The following BLTP3A variants were observed in gnomAD, a reference collection of about 807,000 sequenced individuals.
The protein encoded by BLTP3A is ICBP90 binding protein 1.
At chr6:34,858,008 T>G in the BLTP3A span, 1 of 1,558,974 alleles carries the variant, frequency 6.4e-7, no homozygotes, top group African/African-American at 1.4e-5. Flanking sequence ...CTGTCCATTT[T>G]GTGGAAGTAA....
chr6:34,802,442 T>C, the BLTP3A span, among the ~76,000 whole-genome samples: 1 of 151,278 alleles, frequency 6.6e-6, no homozygotes, highest in Non-Finnish European at 1.5e-5. Flanking sequence ...CGATCTCGGC[T>C]CACTGAAACC....
chr6:34,853,654 G>A, the BLTP3A span, among the ~76,000 whole-genome samples: 6 of 151,784 alleles, frequency 4.0e-5, no homozygotes, highest in South Asian at 2.1e-4. Flanking sequence ...TCTGCCTCCC[G>A]GGTTCAAGGG....
chr6:34,825,674 C>CCA, the BLTP3A span, among the ~76,000 whole-genome samples: 1 of 152,210 alleles, frequency 6.6e-6, no homozygotes, highest in South Asian at 2.1e-4. Context: ...TAAACACCTT[C>CCA]CAGAGGCCTC....
the BLTP3A span, chr6:34,871,963 TG>T: frequency 6.9e-6 from 11 of 1,593,812 alleles, no homozygotes; most frequent in Non-Finnish European, 9.4e-6. Flanking sequence ...CCATAACCCT[TG>T]GGGGCTATAC....
At chr6:34,799,445 A>G in the BLTP3A span, among the ~76,000 whole-genome samples, 6 of 151,854 alleles carry the variant, frequency 4.0e-5, no homozygotes. Flanking sequence ...AGCTAAGGTC[A>G]TGCCACTGCA....
At chr6:34,796,784 A>G in the BLTP3A span, among the ~76,000 whole-genome samples, 1 of 151,696 alleles carries the variant, frequency 6.6e-6, no homozygotes, top group African/African-American at 2.4e-5. Context: ...GTTCATTGCA[A>G]CCTCTGCCCC....
the BLTP3A span, among the ~76,000 whole-genome samples, chr6:34,844,304 C>T: frequency 6.6e-6 from 1 of 152,082 alleles, no homozygotes. Context: ...GAGACAGAGT[C>T]TTGCTGTGTT....
chr6:34,837,036 T>C, the BLTP3A span, among the ~76,000 whole-genome samples: 10,107 of 152,318 alleles, frequency 0.066, 555 homozygotes, highest in East Asian at 0.33. Flanking sequence ...CAGGCTCAAA[T>C]GAGCCAATAG....
chr6:34,826,093 A>C, the BLTP3A span, among the ~76,000 whole-genome samples: 5 of 134,840 alleles, frequency 3.7e-5, no homozygotes, highest in Non-Finnish European at 7.6e-5. Context: ...GCAATGGTGC[A>C]TCTCTGCTCA....
At chr6:34,806,696 C>T in the BLTP3A span, among the ~76,000 whole-genome samples, 1 of 152,126 alleles carries the variant, frequency 6.6e-6, no homozygotes, top group Non-Finnish European at 1.5e-5. Flanking sequence ...GAGTTTTGCT[C>T]TGTTACCCAG....
chr6:34,824,506 C>T, the BLTP3A span, among the ~76,000 whole-genome samples: 10 of 143,526 alleles, frequency 7.0e-5, 1 homozygote, highest in Admixed American at 5.7e-4. Context: ...TGCAGTGAGC[C>T]GAGATCGCGC....
At chr6:34,820,077 C>T in the BLTP3A span, among the ~76,000 whole-genome samples, 1 of 151,898 alleles carries the variant, frequency 6.6e-6, no homozygotes, top group Non-Finnish European at 1.5e-5. Flanking sequence ...TTTCATTTTA[C>T]CCTACTTTAA....
chr6:34,816,972 G>A, the BLTP3A span, among the ~76,000 whole-genome samples: 1 of 152,160 alleles, frequency 6.6e-6, no homozygotes, highest in South Asian at 2.1e-4. Context: ...GACAGTAGAA[G>A]GAAATAATTA....
the BLTP3A span, among the ~76,000 whole-genome samples, chr6:34,818,236 AG>A: frequency 6.6e-6 from 1 of 152,190 alleles, no homozygotes; most frequent in African/African-American, 2.4e-5. Flanking sequence ...TGGTAGGCCG[AG>A]GCAGGTGGAT....
the BLTP3A span, among the ~76,000 whole-genome samples, chr6:34,832,819 A>G: frequency 1.2e-4 from 18 of 152,076 alleles, no homozygotes; most frequent in Non-Finnish European, 2.4e-4. Flanking sequence ...CACTTTTATC[A>G]GGCTCTTGCT....
chr6:34,838,654 C>T, the BLTP3A span, among the ~76,000 whole-genome samples: 1 of 152,180 alleles, frequency 6.6e-6, no homozygotes, highest in Non-Finnish European at 1.5e-5. Context: ...TGTTAGTAAA[C>T]TTCAAGGAGG....
chr6:34,875,051 C>T, the BLTP3A span: 39 of 152,660 alleles, frequency 2.6e-4, no homozygotes, highest in Admixed American at 1.6e-3. Context: ...GGCTCTATCT[C>T]ATAGCCTTAG....
the BLTP3A span, among the ~76,000 whole-genome samples, chr6:34,850,195 C>T: frequency 1.3e-5 from 2 of 151,928 alleles, no homozygotes; most frequent in Non-Finnish European, 2.9e-5. Context: ...TGTCATGCCT[C>T]TCTCTGCTAG....
chr6:34,847,533 T>C, the BLTP3A span, among the ~76,000 whole-genome samples: 2 of 152,078 alleles, frequency 1.3e-5, no homozygotes, highest in Admixed American at 1.3e-4. Context: ...TTGATCTTAG[T>C]AGGCTGTATA....
Sources: gnomAD v4.1 joint callset for allele counts (sites outside exome capture counted in the v4.1 genomes callset) on GRCh38, gnomAD v4.1.1 for gene constraint, MANE v1.5 for transcripts, NCBI Gene and HGNC (gene_info 2026-07-23, HGNC 2026-07-21) for gene names.